EFEMP1: variants seen among roughly 807,000 people sequenced by gnomAD.
EFEMP1 encodes EGF-like fibulin extracellular matrix protein 1.
In EFEMP1, 18 loss-of-function variants were observed where a neutral mutation model predicts 65.7. That is an observed-to-expected ratio of 0.27 (90% CI 0.19 to 0.41). EFEMP1 has a LOEUF of 0.41. Among genes scored for constraint, EFEMP1 ranks in the 10% least tolerant of loss-of-function variants. The probability of loss-of-function intolerance (pLI) is 1.00; values close to 1 mark genes in which losing one functional copy is unlikely to be tolerated. For synonymous variants in EFEMP1, 237 were observed against 219.7 expected, an observed-to-expected ratio of 1.08 and a Z score of -0.70; for missense variants, 469 against 624.8, an observed-to-expected ratio of 0.75 and a Z score of 2.66.
Position 55,867,944 on chromosome 2 carries a change from G to A in EFEMP1, c.1321-710C>T, listed in dbSNP as rs1210787208. ...GGTAAGTGGATGTGTGAGTTTGAAT[G>A]CCAAGGGATAGAGTCATGGATTAGT... is the stretch of plus-strand genomic sequence containing the variant. On this transcript the variant is annotated intron_variant, in intron 11 of 11. Coordinates refer to ENST00000355426, the MANE Select transcript of EFEMP1 (RefSeq NM_001039348.3). This position sits in a 1 kb window ranked among gnomAD's most constrained non-coding sequence, Gnocchi z 4.3. Among the ~76,000 whole-genome samples the A allele has an allele frequency of 6.6e-6, 1 of 152,152 alleles. No homozygotes were observed. The highest frequency in any genetic ancestry group is 1.5e-5 in the Non-Finnish European group (1 of 68,020).
chr2:55,884,682 T>C (rs1669360363), intron 5 of EFEMP1, among the ~76,000 whole-genome samples: 4 of 152,246 alleles, frequency 2.6e-5, no homozygotes, highest in Admixed American at 2.6e-4. Context: ...AGGTCAGCCA[T>C]GATTTTCCTG....
At chr2:55,875,132 ATATATATATAAAT>A in intron 8 of EFEMP1, 67 bp from the exon 9 acceptor site, 4 of 654,782 alleles carry the variant, frequency 6.1e-6, no homozygotes, top group Non-Finnish European at 8.3e-6. Context: ...TTGGATATAT[ATATATATATAAAT>A]TATATATATA....
intron 5 of EFEMP1, among the ~76,000 whole-genome samples, chr2:55,916,680 T>C (rs373258926): frequency 6.6e-6 from 1 of 152,204 alleles, no homozygotes; most frequent in Non-Finnish European, 1.5e-5. Context: ...CATGGAGTTC[T>C]GCACTATGGG....
In EFEMP1 at chr2:55,883,972, C is replaced by A. The variant is rs1221198336; in HGVS notation, c.518-2238G>T. Among the ~76,000 whole-genome samples, 1 of 152,182 alleles carries A rather than the reference C, an allele frequency of 6.6e-6. No homozygotes were observed. The highest frequency in any genetic ancestry group is 1.9e-4 in the East Asian group (1 of 5,200). The stretch of plus-strand genomic sequence containing the variant: ...TTCCCTTTCTCCACCAACACCCAAA[C>A]AAAGCTGCAACAAGACTTGCCTCAC... On this transcript the variant is annotated intron_variant, in intron 5 of 11. Transcript: ENST00000355426. The surrounding 1 kb of genome is among the most constrained non-coding windows in gnomAD (Gnocchi z 4.5).
intron 5 of EFEMP1, among the ~76,000 whole-genome samples, chr2:55,896,481 T>C (rs888459409): frequency 1.3e-5 from 2 of 152,236 alleles, no homozygotes; most frequent in Non-Finnish European, 2.9e-5. Flanking sequence ...ATTCAATTTT[T>C]AAGGCTAGTT....
At chr2:55,898,202 G>A (rs1669902550) in intron 5 of EFEMP1, among the ~76,000 whole-genome samples, 1 of 152,288 alleles carries the variant, frequency 6.6e-6, no homozygotes, top group African/African-American at 2.4e-5. Context: ...TTCATGAAGT[G>A]TGGGGGGTGA....
intron 5 of EFEMP1, among the ~76,000 whole-genome samples, chr2:55,892,311 C>T (rs1669656526): frequency 6.6e-6 from 1 of 152,076 alleles, no homozygotes; most frequent in African/African-American, 2.4e-5. Flanking sequence ...TGATAAATTC[C>T]AAAATGCTGT....
rs3838530 is a variant in EFEMP1 at position 55,876,756 on chromosome 2, T to TTATATA, written c.761-20_761-15dup. The TTATATA allele has an allele frequency of 3.4e-6, 5 of 1,470,526 alleles. No homozygotes were observed. The highest frequency in any genetic ancestry group is 5.2e-5 in the East Asian group (2 of 38,464). The allele number at this position is 1,470,526 out of a possible 1,614,324, so 91.1% of individuals were successfully genotyped here. On this transcript the variant is annotated splice_polypyrimidine_tract_variant and intron_variant, in intron 7 of 11. Transcript: ENST00000355426. ...ATTCATTTATATCTGAAAAAAAGTT[T>TTATATA]TATATATATATATATGTATATGTAT... is the stretch of plus-strand genomic sequence containing the variant.
intron 5 of EFEMP1, among the ~76,000 whole-genome samples, chr2:55,905,926 T>G (rs1203430001): frequency 6.6e-6 from 1 of 152,224 alleles, no homozygotes; most frequent in Admixed American, 6.5e-5. Flanking sequence ...TGCTCTGGCA[T>G]GCTTACACAA....
intron 11 of EFEMP1, among the ~76,000 whole-genome samples, chr2:55,869,001 A>G (rs1230626138): frequency 6.6e-6 from 1 of 152,170 alleles, no homozygotes; most frequent in Non-Finnish European, 1.5e-5. Context: ...TATTTTAAAT[A>G]ATTTTCTTTC....
rs1211808908 is a variant in EFEMP1, at chr2:55,884,385, A to G, written c.518-2651T>C. Among the ~76,000 whole-genome samples the G allele has an allele frequency of 3.9e-5, 6 of 152,200 alleles. No individual in the cohort carries two copies. The East Asian group carries it at 1.2e-3, about 29-fold the overall frequency. On this transcript the variant is annotated intron_variant, in intron 5 of 11. Transcript: ENST00000355426. ...CTACTTCTATGCATTTCCATTTGTC[A>G]TAAATACCAGAAAGCTCACTATGAT... is the stretch of plus-strand genomic sequence containing the variant.
intron 5 of EFEMP1, among the ~76,000 whole-genome samples, chr2:55,905,594 G>A (rs1222234947): frequency 2.6e-5 from 4 of 152,070 alleles, no homozygotes; most frequent in Admixed American, 6.5e-5. Context: ...GACTACAGCC[G>A]CATGCCACCA....
chr2:55,882,213 T>C (rs1245064229), intron 5 of EFEMP1, among the ~76,000 whole-genome samples: 2 of 152,230 alleles, frequency 1.3e-5, no homozygotes, highest in East Asian at 3.8e-4. Context: ...ATAATTTCCA[T>C]TGACAAATTT....
At chr2:55,914,345 G>C (rs1174284678) in intron 5 of EFEMP1, among the ~76,000 whole-genome samples, 5 of 152,076 alleles carry the variant, frequency 3.3e-5, no homozygotes, top group Non-Finnish European at 7.4e-5. Flanking sequence ...CCTGATCTTT[G>C]AATGTTATGT....
chr2:55,872,695 C>G (rs557540885), intron 9 of EFEMP1, among the ~76,000 whole-genome samples: 2 of 152,164 alleles, frequency 1.3e-5, no homozygotes, highest in African/African-American at 4.8e-5. Flanking sequence ...CAAGAACAGA[C>G]TGGGAAAGCT....
chr2:55,914,470 A>C (rs1670601495), intron 5 of EFEMP1, among the ~76,000 whole-genome samples: 2 of 152,204 alleles, frequency 1.3e-5, no homozygotes, highest in Admixed American at 1.3e-4. Context: ...TATTTAAAGG[A>C]TATATTTATA....
chr2:55,908,027 T>C (rs991264983), intron 5 of EFEMP1, among the ~76,000 whole-genome samples: 2 of 152,196 alleles, frequency 1.3e-5, no homozygotes, highest in African/African-American at 4.8e-5. Context: ...GGGCTCTCAG[T>C]AAGCTCTGTT....
rs540405808 is a variant in EFEMP1, at chr2:55,916,243, G to C, written c.517+1422C>G. ...TCCTGCTTCAGCCTCTCTAGTATTT[G>C]AGACTACAGGCATGTGCCACCATTC... is the stretch of plus-strand genomic sequence containing the variant. On this transcript the variant is annotated intron_variant, in intron 5 of 11. Coordinates refer to ENST00000355426, the MANE Select transcript of EFEMP1 (RefSeq NM_001039348.3). Among the ~76,000 whole-genome samples the C allele has an allele frequency of 3.3e-5, 5 of 151,280 alleles. No homozygotes were observed. In the South Asian group the frequency reaches 1.0e-3, roughly 32 times the overall value.
chr2:55,891,483 T>G (rs1437713565), intron 5 of EFEMP1, among the ~76,000 whole-genome samples: 1 of 152,124 alleles, frequency 6.6e-6, no homozygotes, highest in Non-Finnish European at 1.5e-5. Flanking sequence ...GCATCCACTC[T>G]AATATAGAAA....
Sources: allele counts gnomAD v4.1 joint callset (sites outside exome capture counted in the v4.1 genomes callset), GRCh38; gene constraint gnomAD v4.1.1; non-coding constraint Gnocchi (gnomAD v3.1); transcripts MANE v1.5; gene names NCBI Gene and HGNC (gene_info 2026-07-23, HGNC 2026-07-21).